The following SCUBE1 variants were observed in gnomAD, a reference collection of about 807,000 sequenced individuals.
SCUBE1 encodes the protein signal peptide, CUB domain and EGF like domain containing 1.
Under a neutral mutation model 124.4 loss-of-function variants are expected in SCUBE1, and 59 were observed. The observed-to-expected ratio is 0.47, with a 90% CI of 0.38 to 0.59. The LOEUF (loss-of-function observed/expected upper bound fraction) is 0.59. Among genes scored for constraint, SCUBE1 ranks in the 20% least tolerant of loss-of-function variants. The pLI is 0.00. For synonymous variants in SCUBE1, 545 were observed against 550.9 expected (o/e 0.99, Z 0.15); for missense variants, 1,150 against 1,371.2 (o/e 0.84, Z 2.55).
chr22:43,296,460 T>C (rs2146757736), intron 3 of SCUBE1, among the ~76,000 whole-genome samples: 1 of 152,222 alleles, frequency 6.6e-6, no homozygotes, highest in East Asian at 1.9e-4. Flanking sequence ...CACAGCTAAA[T>C]GTTCCCAGAA....
intron 4 of SCUBE1, among the ~76,000 whole-genome samples, chr22:43,281,637 T>C (rs986871213): frequency 6.9e-6 from 1 of 145,736 alleles, no homozygotes; most frequent in Non-Finnish European, 1.5e-5. Context: ...TCACCTCCCC[T>C]GGCCATCCTC....
At position 43,211,548 on chromosome 22, in the gene SCUBE1, G is replaced by A. The variant is rs552134192; in HGVS notation, c.2222-465C>T. On this transcript the variant is annotated intron_variant, in intron 17 of 21. Transcript: ENST00000360835. The surrounding 1 kb of genome is among the most constrained non-coding windows in gnomAD (Gnocchi z 4.5). ...TTTTTTTTTTTTTGAGATGGAGCTCGCTCCGTCACCCAGGCTGGAGTGCAA... is the reference window on the plus strand; with the variant it reads ...TTTTTTTTTTTTTGAGATGGAGCTCACTCCGTCACCCAGGCTGGAGTGCAA... Among the ~76,000 whole-genome samples, 1 of 148,780 alleles carries A rather than the reference G, an allele frequency of 6.7e-6. No individual in the cohort carries two copies. Among genetic ancestry groups the A allele is most frequent in the South Asian group, 2.1e-4 (1 of 4,700 alleles).
chr22:43,270,538 G>A (rs1248144307), intron 4 of SCUBE1: 1 of 152,258 alleles, frequency 6.6e-6, no homozygotes, highest in Non-Finnish European at 1.5e-5. Context: ...AGTCTCCTCA[G>A]ATCCATGGAG....
At chr22:43,223,457 C>A (rs1922183870) in intron 10 of SCUBE1, among the ~76,000 whole-genome samples, 2 of 152,186 alleles carry the variant, frequency 1.3e-5, no homozygotes, top group African/African-American at 4.8e-5. Context: ...TGAGAAGGTT[C>A]ATGTCCCCAT....
intron 7 of SCUBE1, among the ~76,000 whole-genome samples, chr22:43,237,010 G>A (rs1243902122): frequency 2.0e-5 from 3 of 152,060 alleles, no homozygotes; most frequent in African/African-American, 7.2e-5. Flanking sequence ...CAGGCCCAGG[G>A]CTGGGCGTCC....
At chr22:43,274,979 C>T (rs1162712450) in intron 4 of SCUBE1, among the ~76,000 whole-genome samples, 2 of 152,196 alleles carry the variant, frequency 1.3e-5, no homozygotes, top group African/African-American at 2.4e-5. Flanking sequence ...AGCCAATTCC[C>T]GCCACCGACT....
intron 6 of SCUBE1, among the ~76,000 whole-genome samples, chr22:43,249,294 G>C (rs988095735): frequency 3.3e-5 from 5 of 151,536 alleles, no homozygotes; most frequent in Non-Finnish European, 5.9e-5. Context: ...TGCAGAAGAG[G>C]AGGTACGGGC....
chr22:43,229,288 A>G, intron 8 of SCUBE1, 100 bp from the exon 9 acceptor site: 3 of 853,550 alleles, frequency 3.5e-6, no homozygotes, highest in Non-Finnish European at 6.0e-6. Flanking sequence ...ATCTGTGGAC[A>G]CACAGTCCCT....
chr22:43,340,561 T>C (rs920152430), intron 1 of SCUBE1, among the ~76,000 whole-genome samples: 1 of 150,920 alleles, frequency 6.6e-6, no homozygotes, highest in African/African-American at 2.4e-5. Flanking sequence ...GACGTGCCTC[T>C]TGTCGGGCAC....
At chr22:43,321,836 C>T (rs1926566022) in intron 2 of SCUBE1, among the ~76,000 whole-genome samples, 1 of 152,196 alleles carries the variant, frequency 6.6e-6, no homozygotes, top group Non-Finnish European at 1.5e-5. Flanking sequence ...CCTCAGCCTC[C>T]CTAGTAGCTG....
chr22:43,299,280 G>A (rs575000835), intron 3 of SCUBE1, among the ~76,000 whole-genome samples: 2 of 152,134 alleles, frequency 1.3e-5, no homozygotes, highest in African/African-American at 4.8e-5. Context: ...GCACGAAGCC[G>A]CTGCTCATGG....
chr22:43,219,802 G>A (rs962589822), intron 14 of SCUBE1, among the ~76,000 whole-genome samples: 1 of 151,916 alleles, frequency 6.6e-6, no homozygotes, highest in South Asian at 2.1e-4. Flanking sequence ...AAGCCCTCCC[G>A]TGGGGGGCAG....
At chr22:43,223,952 C>G (rs953842816) in intron 10 of SCUBE1, among the ~76,000 whole-genome samples, 3 of 152,240 alleles carry the variant, frequency 2.0e-5, no homozygotes, top group African/African-American at 7.2e-5. Context: ...TCCCATCAAC[C>G]TAATCCCAAC....
intron 3 of SCUBE1, among the ~76,000 whole-genome samples, chr22:43,297,391 C>G (rs1925603226): frequency 6.6e-6 from 1 of 152,268 alleles, no homozygotes; most frequent in South Asian, 2.1e-4. Flanking sequence ...CAGGTCCCAC[C>G]TCCTCACTGT....
chr22:43,328,244 T>G (rs1926790483), intron 2 of SCUBE1, among the ~76,000 whole-genome samples: 1 of 151,552 alleles, frequency 6.6e-6, no homozygotes, highest in African/African-American at 2.4e-5. Context: ...TGAGGCAGCC[T>G]GGTCAAGTGA....
chr22:43,220,702 G>A (rs569294973), intron 13 of SCUBE1, 115 bp from the exon 14 acceptor site: 15 of 1,349,814 alleles, frequency 1.1e-5, no homozygotes, highest in East Asian at 4.9e-5. Context: ...TGGTGCAGAC[G>A]GAAAAACTCA....
intron 4 of SCUBE1, among the ~76,000 whole-genome samples, chr22:43,277,710 G>T (rs372872073): frequency 1.2e-3 from 179 of 152,362 alleles, no homozygotes; most frequent in African/African-American, 4.2e-3. Context: ...TCGTGTCAGA[G>T]TCTATGCACT....
In SCUBE1 at chr22:43,258,354, T is replaced by C. The variant is rs759786157; in HGVS notation, c.611-19A>G. The C allele has an allele frequency of 3.3e-6, 5 of 1,536,732 alleles. No homozygotes were observed. In the South Asian group the frequency reaches 3.3e-5, roughly 10 times the overall value. On this transcript the variant is annotated intron_variant, in intron 5 of 21. Coordinates refer to ENST00000360835, the MANE Select transcript of SCUBE1 (RefSeq NM_173050.5). The surrounding 1 kb of genome is among the most constrained non-coding windows in gnomAD (Gnocchi z 5.0). ...CAGGTTACTAGTTAGGCCCAAAGTG[T>C]ACACACGGGTGTATAAACAGAACAA... is the stretch of plus-strand genomic sequence containing the variant.
chr22:43,241,018 G>C (rs1922982758), intron 6 of SCUBE1, among the ~76,000 whole-genome samples: 1 of 152,160 alleles, frequency 6.6e-6, no homozygotes, highest in South Asian at 2.1e-4. Flanking sequence ...CTCTGCGGAG[G>C]GGGAGGTGAG....
Sources: gnomAD v4.1 joint callset for allele counts (sites outside exome capture counted in the v4.1 genomes callset) on GRCh38, gnomAD v4.1.1 for gene constraint, Gnocchi (gnomAD v3.1) non-coding constraint, MANE v1.5 for transcripts, NCBI Gene and HGNC (gene_info 2026-07-23, HGNC 2026-07-21) for gene names.